The following STXBP5L variants were observed in gnomAD, a reference collection of about 807,000 sequenced individuals.
STXBP5L encodes the protein syntaxin binding protein 5L.
In STXBP5L, 65 loss-of-function variants were observed where a neutral mutation model predicts 144.5. The observed-to-expected ratio is 0.45, with a 90% CI of 0.37 to 0.55. The LOEUF (loss-of-function observed/expected upper bound fraction) is 0.55. Among genes scored for constraint, STXBP5L ranks in the 20% least tolerant of loss-of-function variants. The probability of loss-of-function intolerance (pLI) is 0.00; values close to 1 mark genes in which losing one functional copy is unlikely to be tolerated. For missense variants in STXBP5L, 1,298 were observed against 1,405.5 expected (o/e 0.92, Z 1.22); for synonymous variants, 505 against 469.6 (o/e 1.08, Z -0.97).
intron 5 of STXBP5L, among the ~76,000 whole-genome samples, chr3:121,066,595 CT>C (rs547152732): frequency 1.3e-5 from 2 of 151,960 alleles, no homozygotes; most frequent in South Asian, 4.2e-4. Flanking sequence ...ATTATATGTG[CT>C]AATATATGCT....
At chr3:121,195,881 C>T (rs1444951925) in intron 9 of STXBP5L, among the ~76,000 whole-genome samples, 3 of 152,168 alleles carry the variant, frequency 2.0e-5, no homozygotes, top group Non-Finnish European at 2.9e-5. Flanking sequence ...CCCTGGGACA[C>T]ATTTGTCACT....
At position 121,243,586 on chromosome 3, in the gene STXBP5L, A is replaced by G. The variant is rs1204295163; in HGVS notation, c.1400+3079A>G. Among the ~76,000 whole-genome samples the G allele has an allele frequency of 2.0e-5, 3 of 151,506 alleles. No homozygotes were observed. In the East Asian group the frequency reaches 5.8e-4, roughly 29 times the overall value. On this transcript the variant is annotated intron_variant, in intron 14 of 26. Coordinates refer to ENST00000471454, the MANE Select transcript of STXBP5L (RefSeq NM_001308330.2). ...AGTAACTGATTTTAACCCTTTTCCT[A>G]CTTGCCCCGAGAATACTCACTGGCA...
chr3:121,168,402 G>A (rs946256518), intron 9 of STXBP5L, among the ~76,000 whole-genome samples: 1 of 152,182 alleles, frequency 6.6e-6, no homozygotes, highest in African/African-American at 2.4e-5. Context: ...TGAGCTAAAG[G>A]AGGATGTTCC....
chr3:121,357,363 GC>G, intron 20 of STXBP5L: 1 of 156,432 alleles, frequency 6.4e-6, no homozygotes, highest in Middle Eastern at 1.4e-3. Flanking sequence ...TAATTTAAAG[GC>G]CAATTAATTT....
At chr3:121,070,010 A>G (rs1383434073) in intron 5 of STXBP5L, among the ~76,000 whole-genome samples, 1 of 152,152 alleles carries the variant, frequency 6.6e-6, no homozygotes, top group Non-Finnish European at 1.5e-5. Flanking sequence ...ATTATTATTC[A>G]TTTCAAAGAA....
At chr3:121,033,680 ATTGTAT>A (rs1388484905) in intron 3 of STXBP5L, among the ~76,000 whole-genome samples, 1 of 151,884 alleles carries the variant, frequency 6.6e-6, no homozygotes, top group Non-Finnish European at 1.5e-5. Context: ...GTAGTCTGTA[ATTGTAT>A]TTGTAATTTT....
At chr3:121,202,845 T>C (rs1021440952) in intron 9 of STXBP5L, among the ~76,000 whole-genome samples, 1 of 152,040 alleles carries the variant, frequency 6.6e-6, no homozygotes, top group Non-Finnish European at 1.5e-5. Flanking sequence ...GCATGTTTAC[T>C]GGGATGTTTC....
intron 3 of STXBP5L, among the ~76,000 whole-genome samples, chr3:121,002,662 G>C (rs1943883330): frequency 6.6e-6 from 1 of 151,942 alleles, no homozygotes; most frequent in South Asian, 2.1e-4. Context: ...AGATTAACTT[G>C]TCATTTTACA....
rs190792736 is a variant in STXBP5L at position 121,170,886 on chromosome 3, A to C, written c.877+13259A>C. 2.6e-3 allele frequency among the ~76,000 whole-genome samples: 399 copies of C among 152,236 alleles called. 4 individuals carry two copies. The highest frequency in any genetic ancestry group is 9.0e-3 in the African/African-American group (373 of 41,528). ...TACCAAAACCTGGCAGAGACACAACAAAAAAAGAAAATTTCAGGCCAATAT... is the reference window on the plus strand; with the variant it reads ...TACCAAAACCTGGCAGAGACACAACCAAAAAAGAAAATTTCAGGCCAATAT... On this transcript the variant is annotated intron_variant, in intron 9 of 26. Coordinates refer to ENST00000471454, the MANE Select transcript of STXBP5L (RefSeq NM_001308330.2).
intron 14 of STXBP5L, among the ~76,000 whole-genome samples, chr3:121,248,926 T>C (rs1317789668): frequency 6.6e-6 from 1 of 151,802 alleles, no homozygotes; most frequent in Non-Finnish European, 1.5e-5. Flanking sequence ...TTGTTTGTTT[T>C]TGTCAGCCTT....
intron 3 of STXBP5L, among the ~76,000 whole-genome samples, chr3:120,957,991 C>G (rs983375738): frequency 6.6e-6 from 1 of 151,842 alleles, no homozygotes; most frequent in Non-Finnish European, 1.5e-5. Flanking sequence ...AAAAGATCAA[C>G]AAAATTGATA....
intron 5 of STXBP5L, among the ~76,000 whole-genome samples, chr3:121,053,595 G>T (rs1192389118): frequency 6.6e-6 from 1 of 152,140 alleles, no homozygotes; most frequent in Non-Finnish European, 1.5e-5. Context: ...ATTCAAGATG[G>T]ATTAAAGACT....
rs142618119 is a variant in STXBP5L, at chr3:121,133,427, C to T, written c.669+11723C>T. Among the ~76,000 whole-genome samples, 7 of 152,112 alleles carry T rather than the reference C, an allele frequency of 4.6e-5. No homozygotes were observed. In the East Asian group the frequency reaches 1.4e-3, roughly 29 times the overall value. On this transcript the variant is annotated intron_variant, in intron 7 of 26. Transcript: ENST00000471454. ...TACAAGGGAATCTTTATAAGATAATCCACAGTTTTTAGCAGAAAAATTGCA... is the reference window on the plus strand; with the variant it reads ...TACAAGGGAATCTTTATAAGATAATTCACAGTTTTTAGCAGAAAAATTGCA...
chr3:121,325,825 A>G lies in STXBP5L; in HGVS notation c.2176+7285A>G, dbSNP rs1237058136. On this transcript the variant is annotated intron_variant, in intron 20 of 26. Transcript: ENST00000471454. ...TTAATCCTTACATCTATGTAATACT[A>G]TTATTGTTCTTATTTTGTATGAATG... Among the ~76,000 whole-genome samples the G allele has an allele frequency of 5.9e-5, 9 of 152,036 alleles. No homozygotes were observed. The East Asian group carries it at 1.7e-3, about 29-fold the overall frequency.
At chr3:121,185,848 C>T (rs901710651) in intron 9 of STXBP5L, among the ~76,000 whole-genome samples, 2 of 152,168 alleles carry the variant, frequency 1.3e-5, no homozygotes, top group Non-Finnish European at 2.9e-5. Context: ...TCATTGGTAG[C>T]TTGATGGAGA....
intron 1 of STXBP5L, 48 bp downstream of exon 1, chr3:120,908,382 C>T (rs994792532): frequency 1.3e-5 from 2 of 155,978 alleles, no homozygotes; most frequent in Non-Finnish European, 2.8e-5. Context: ...ACGCCGCCGC[C>T]GCTGCCGCCG....
At chr3:121,390,806 T>A (rs2046563795) in intron 22 of STXBP5L, among the ~76,000 whole-genome samples, 1 of 152,174 alleles carries the variant, frequency 6.6e-6, no homozygotes, top group East Asian at 1.9e-4. Flanking sequence ...TCTCTCTGGC[T>A]GCCCTTAACA....
intron 20 of STXBP5L, among the ~76,000 whole-genome samples, chr3:121,353,406 C>A (rs573951987): frequency 6.6e-6 from 1 of 152,252 alleles, no homozygotes; most frequent in South Asian, 2.1e-4. Context: ...CTGGTTTAGT[C>A]TTTGGAGGGT....
At chr3:121,217,524 C>G (rs924736268) in intron 10 of STXBP5L, among the ~76,000 whole-genome samples, 1 of 152,152 alleles carries the variant, frequency 6.6e-6, no homozygotes, top group African/African-American at 2.4e-5. Flanking sequence ...ACTGTCTAAT[C>G]ATTCCCAGTT....
Sources: allele counts gnomAD v4.1 joint callset (sites outside exome capture counted in the v4.1 genomes callset), GRCh38; gene constraint gnomAD v4.1.1; transcripts MANE v1.5; gene names NCBI Gene and HGNC (gene_info 2026-07-23, HGNC 2026-07-21).